The following LINGO2 variants were observed in gnomAD, a reference collection of about 807,000 sequenced individuals.
LINGO2 encodes the protein leucine-rich repeat and immunoglobulin-like domain-containing nogo receptor-interacting protein 2.
In LINGO2, 14 loss-of-function variants were observed where a neutral mutation model predicts 30.6. The ratio of observed to expected loss-of-function variants is 0.46; its 90% confidence interval spans 0.30 to 0.72. The LOEUF (loss-of-function observed/expected upper bound fraction) is 0.72. Ranked by LOEUF, LINGO2 falls within the 30% of genes least tolerant of loss-of-function variation. LINGO2 has a pLI of 0.07. For synonymous variants in LINGO2, 317 were observed against 288.5 expected, an observed-to-expected ratio of 1.10 and a Z score of -1.00; for missense variants, 729 against 751.7, an observed-to-expected ratio of 0.97 and a Z score of 0.35.
chr9:28,022,273 T>TA (rs1432601635), intron 4 of LINGO2, among the ~76,000 whole-genome samples: 1 of 152,140 alleles, frequency 6.6e-6, no homozygotes, highest in African/African-American at 2.4e-5. Flanking sequence ...GTGACATTGC[T>TA]ATCATTCATT....
chr9:27,971,736 C>T (rs1043645506), intron 5 of LINGO2, among the ~76,000 whole-genome samples: 2 of 152,070 alleles, frequency 1.3e-5, no homozygotes, highest in African/African-American at 4.8e-5. Context: ...AAATCATTAG[C>T]CCTTTAATCA....
At chr9:28,289,256 A>T (rs1427836054) in intron 4 of LINGO2, among the ~76,000 whole-genome samples, 2 of 152,168 alleles carry the variant, frequency 1.3e-5, no homozygotes, top group Admixed American at 1.3e-4. Context: ...TAATATATAA[A>T]TTTTCTGTTC....
the LINGO2 span, among the ~76,000 whole-genome samples, chr9:29,057,277 A>C: frequency 6.6e-6 from 1 of 152,126 alleles, no homozygotes; most frequent in African/African-American, 2.4e-5. Flanking sequence ...TATTAAAATA[A>C]ACTCTAATTT....
intron 4 of LINGO2, among the ~76,000 whole-genome samples, chr9:28,276,270 C>G (rs559232220): frequency 1.9e-3 from 287 of 152,258 alleles, no homozygotes; most frequent in Non-Finnish European, 3.1e-3. Flanking sequence ...GAGCAACAGT[C>G]AGTCAAAATG....
intron 5 of LINGO2, among the ~76,000 whole-genome samples, chr9:28,010,894 G>T (rs988146433): frequency 2.0e-5 from 3 of 152,196 alleles, no homozygotes; most frequent in African/African-American, 7.2e-5. Flanking sequence ...AGAGTTCGAG[G>T]CTGCAGTGAG....
chr9:28,027,927 ATAGG>A (rs1230651542), intron 4 of LINGO2, among the ~76,000 whole-genome samples: 2 of 152,136 alleles, frequency 1.3e-5, no homozygotes, highest in African/African-American at 4.8e-5. Context: ...CCAAAAGTAT[ATAGG>A]AGTGGTGGGC....
rs193180204 is a variant in LINGO2, at chr9:27,972,994, G to A, written c.-35-22288C>T. Among the ~76,000 whole-genome samples, 255 of 152,258 alleles carry A rather than the reference G, an allele frequency of 1.7e-3. 2 individuals carry two copies. Among genetic ancestry groups the A allele is most frequent in the African/African-American group, 5.8e-3 (242 of 41,544 alleles). ...AAATTTTCTCTCCCTCTCTTCTTGA[G>A]CTGAGACATCCATCTTCTCCTATTC... is the stretch of plus-strand genomic sequence containing the variant. On this transcript the variant is annotated intron_variant, in intron 5 of 5. Coordinates refer to ENST00000379992, the Ensembl canonical transcript of LINGO2.
chr9:28,540,258 G>GTCTC (rs375822027), intron 1 of LINGO2, among the ~76,000 whole-genome samples: 9 of 136,956 alleles, frequency 6.6e-5, no homozygotes, highest in African/African-American at 1.3e-4. Flanking sequence ...CTCTCTTTCT[G>GTCTC]TCTCTCTCTC....
chr9:28,942,955 T>C, the LINGO2 span, among the ~76,000 whole-genome samples: 6 of 152,142 alleles, frequency 3.9e-5, no homozygotes, highest in African/African-American at 7.2e-5. Flanking sequence ...GTGTTGAACA[T>C]TGAGTTGGAA....
chr9:28,480,434 C>G (rs77525270), intron 1 of LINGO2, among the ~76,000 whole-genome samples: 1 of 151,878 alleles, frequency 6.6e-6, no homozygotes. Flanking sequence ...GGAACAGGCT[C>G]AAGGAATCCA....
intron 5 of LINGO2, among the ~76,000 whole-genome samples, chr9:27,957,331 G>A (rs1819622857): frequency 6.6e-6 from 1 of 151,890 alleles, no homozygotes; most frequent in Non-Finnish European, 1.5e-5. Flanking sequence ...GTCTTGCTTT[G>A]TCGCCCGGCT....
chr9:28,820,051 C>G, the LINGO2 span, among the ~76,000 whole-genome samples: 1 of 152,224 alleles, frequency 6.6e-6, no homozygotes, highest in Non-Finnish European at 1.5e-5. Flanking sequence ...GGGATATGTA[C>G]AGGGACCATG....
intron 2 of LINGO2, among the ~76,000 whole-genome samples, chr9:28,412,946 G>T (rs1266786836): frequency 6.6e-6 from 1 of 152,034 alleles, no homozygotes; most frequent in Non-Finnish European, 1.5e-5. Flanking sequence ...AGCCTACTCA[G>T]TGTGAAGATG....
At chr9:28,799,929 A>T in the LINGO2 span, among the ~76,000 whole-genome samples, 5 of 152,144 alleles carry the variant, frequency 3.3e-5, no homozygotes, top group Non-Finnish European at 7.4e-5. Flanking sequence ...GCTGATGAGG[A>T]AATAAGAACC....
chr9:29,030,592 C>T, the LINGO2 span, among the ~76,000 whole-genome samples: 1 of 152,088 alleles, frequency 6.6e-6, no homozygotes, highest in Non-Finnish European at 1.5e-5. Context: ...GAATGTTCCT[C>T]AATTCAAATT....
At chr9:29,005,732 T>C in the LINGO2 span, among the ~76,000 whole-genome samples, 5 of 151,910 alleles carry the variant, frequency 3.3e-5, no homozygotes, top group Admixed American at 2.0e-4. Context: ...CGTATGCAGG[T>C]TTTGCATCCC....
At chr9:27,953,229 T>G (rs548029697) in intron 5 of LINGO2, among the ~76,000 whole-genome samples, 3 of 152,160 alleles carry the variant, frequency 2.0e-5, no homozygotes, top group African/African-American at 7.2e-5. Flanking sequence ...ATTGATATAG[T>G]AGATTTAAAT....
chr9:29,002,529 A>G, the LINGO2 span, among the ~76,000 whole-genome samples: 1 of 152,126 alleles, frequency 6.6e-6, no homozygotes, highest in African/African-American at 2.4e-5. Flanking sequence ...GCACCACTGC[A>G]TAAAGTAGCC....
chr9:28,009,890 CAAT>C lies in LINGO2; in HGVS notation c.-36+2462_-36+2464del, dbSNP rs1822469497. On this transcript the variant is annotated intron_variant, in intron 5 of 5. Transcript: ENST00000379992. ...CTGGGTACATACTCAAGAGAAGTAA[CAAT>C]AAATATCTATACAAAAACTTGCATG... is the stretch of plus-strand genomic sequence containing the variant. Among the ~76,000 whole-genome samples the C allele has an allele frequency of 4.6e-5, 7 of 152,124 alleles. No individual in the cohort carries two copies. In the South Asian group the frequency reaches 1.0e-3, roughly 23 times the overall value.
Sources: allele counts gnomAD v4.1 joint callset (sites outside exome capture counted in the v4.1 genomes callset), GRCh38; gene constraint gnomAD v4.1.1; transcripts MANE v1.5; gene names NCBI Gene and HGNC (gene_info 2026-07-23, HGNC 2026-07-21).